PRTG: variants seen among roughly 807,000 people sequenced by gnomAD.
PRTG encodes protogenin.
PRTG carries 67 observed loss-of-function variants against 122.5 expected under a neutral mutation model. The observed-to-expected ratio is 0.55, with a 90% CI of 0.45 to 0.67. The LOEUF is 0.67. Ranked by LOEUF, PRTG falls within the 30% of genes least tolerant of loss-of-function variation. PRTG has a pLI of 0.00. For missense variants in PRTG, 1,435 were observed against 1,415.4 expected (o/e 1.01, Z -0.22); for synonymous variants, 554 against 501.1 (o/e 1.11, Z -1.41).
intron 11 of PRTG, among the ~76,000 whole-genome samples, chr15:55,643,271 T>G (rs941732377): frequency 4.6e-5 from 7 of 152,162 alleles, no homozygotes; most frequent in African/African-American, 1.7e-4. Flanking sequence ...TTCTGAGACT[T>G]AGAAAACTTC....
intron 2 of PRTG, among the ~76,000 whole-genome samples, chr15:55,714,871 A>G (rs888612709): frequency 6.6e-6 from 1 of 152,142 alleles, no homozygotes; most frequent in Admixed American, 6.5e-5. Flanking sequence ...ATGAAGTCAA[A>G]TGGTAATCCC....
rs140671826 is a variant in PRTG, at chr15:55,619,497, A to C, written c.*515T>G. On this transcript the variant is annotated 3_prime_UTR_variant, in exon 20 of 20. Transcript: ENST00000389286. ...TTACACGTACAGCAATGAAAACACA[A>C]TACTACTAGGAAGTATCATTGGTTA... The C allele has an allele frequency of 2.0e-3, 325 of 159,032 alleles. No individual in the cohort carries two copies. Among genetic ancestry groups the C allele is most frequent in the African/African-American group, 7.6e-3 (314 of 41,564 alleles). The allele number at this position is 159,032 out of a possible 1,614,324, so 9.9% of individuals were successfully genotyped here. A position where few individuals can be genotyped will look rare whatever the true frequency, so the allele number is the denominator to read the frequency against.
rs550490569 is a variant in PRTG at position 55,619,511 on chromosome 15, T to C, written c.*501A>G. ...ATGAAAACACAATACTACTAGGAAGTATCATTGGTTATGTAGCTGAGATAA... is the reference window on the plus strand; with the variant it reads ...ATGAAAACACAATACTACTAGGAAGCATCATTGGTTATGTAGCTGAGATAA... On this transcript the variant is annotated 3_prime_UTR_variant, in exon 20 of 20. Transcript: ENST00000389286. The C allele has an allele frequency of 8.0e-4, 131 of 162,822 alleles. No individual in the cohort carries two copies. Among genetic ancestry groups the C allele is most frequent in the Middle Eastern group, 3.2e-3 (1 of 312 alleles). 10.1% of individuals were successfully genotyped at this position (162,822 alleles called of 1,614,324 possible).
chr15:55,631,957 C>T (rs2059229982), intron 15 of PRTG, among the ~76,000 whole-genome samples: 1 of 152,124 alleles, frequency 6.6e-6, no homozygotes, highest in Admixed American at 6.5e-5. Context: ...AGTGTCCATT[C>T]AAATTATAAA....
At chr15:55,642,865 G>C (rs2059300250) in intron 11 of PRTG, among the ~76,000 whole-genome samples, 1 of 152,148 alleles carries the variant, frequency 6.6e-6, no homozygotes, top group Non-Finnish European at 1.5e-5. Context: ...GAGGACAGGA[G>C]TTTAAGACTA....
rs1314559111 is a variant in PRTG, at chr15:55,742,939, A to T, written c.-8T>A. 2.6e-6 allele frequency: 4 copies of T among 1,513,222 alleles called. No homozygotes were observed. The highest frequency in any genetic ancestry group is 2.1e-5 in the Admixed American group (1 of 47,784). The allele number at this position is 1,513,222 out of a possible 1,614,324, so 93.7% of individuals were successfully genotyped here. ...TCGCAGAGGAGGCGCCATTCAGCGT[A>T]GCCGCGCGGGCATGCTCCCCGGCCG... On this transcript the variant is annotated 5_prime_UTR_variant, in exon 1 of 20. Coordinates refer to ENST00000389286, the MANE Select transcript of PRTG (RefSeq NM_173814.6).
intron 2 of PRTG, chr15:55,702,892 G>C: frequency 1.0e-6 from 1 of 985,174 alleles, no homozygotes; most frequent in Non-Finnish European, 1.2e-6. Context: ...TTCGGGGACA[G>C]ACCTTTTACA....
At chr15:55,622,073 C>T (rs1163565731) in intron 18 of PRTG, among the ~76,000 whole-genome samples, 3 of 152,100 alleles carry the variant, frequency 2.0e-5, no homozygotes, top group Non-Finnish European at 4.4e-5. Context: ...CTCTCCTTCA[C>T]TTCAGGCCTC....
chr15:55,694,560 A>G (rs1372562601), intron 2 of PRTG, among the ~76,000 whole-genome samples: 1 of 152,174 alleles, frequency 6.6e-6, no homozygotes, highest in Non-Finnish European at 1.5e-5. Context: ...CAAAACTTAG[A>G]AACTTTAGAA....
chr15:55,701,555 A>C (rs1270765126), intron 2 of PRTG, among the ~76,000 whole-genome samples: 5 of 152,086 alleles, frequency 3.3e-5, no homozygotes, highest in Non-Finnish European at 7.4e-5. Context: ...AAAACAAAAC[A>C]AAACCCTGCA....
chr15:55,697,846 G>A (rs780718563), intron 2 of PRTG, among the ~76,000 whole-genome samples: 2 of 152,222 alleles, frequency 1.3e-5, no homozygotes, highest in South Asian at 4.1e-4. Flanking sequence ...GGACTTAAAA[G>A]GGTTATTATG....
chr15:55,665,463 G>T (rs1437494664), intron 11 of PRTG, among the ~76,000 whole-genome samples: 1 of 150,888 alleles, frequency 6.6e-6, no homozygotes, highest in African/African-American at 2.4e-5. Context: ...TAGTAATGTG[G>T]CCTGGTGCTC....
intron 11 of PRTG, among the ~76,000 whole-genome samples, chr15:55,642,381 C>G (rs139006786): frequency 0.013 from 1,907 of 151,808 alleles, 44 homozygotes; most frequent in African/African-American, 0.04. Context: ...CTTTGGGAGG[C>G]CGAGGCGGGT....
At chr15:55,692,061 A>C (rs986154734) in intron 2 of PRTG, among the ~76,000 whole-genome samples, 21 of 152,286 alleles carry the variant, frequency 1.4e-4, no homozygotes, top group Admixed American at 7.2e-4. Context: ...AAAAATAAGA[A>C]AAAGATAGAA....
intron 15 of PRTG, among the ~76,000 whole-genome samples, chr15:55,633,675 T>G (rs1364439605): frequency 6.6e-6 from 1 of 152,242 alleles, no homozygotes; most frequent in Non-Finnish European, 1.5e-5. Context: ...AAAGACATTT[T>G]AATTTTTCTT....
At chr15:55,723,752 C>CTTTTTTTTTTTTTTT (rs769469226) in intron 2 of PRTG, among the ~76,000 whole-genome samples, 1 of 127,102 alleles carries the variant, frequency 7.9e-6, no homozygotes, top group Non-Finnish European at 1.6e-5. Context: ...TTTCTTTTTT[C>CTTTTTTTTTTTTTTT]TTTTTTTTTT....
intron 18 of PRTG, 89 bp from the exon 19 acceptor site, chr15:55,620,856 T>C: frequency 9.3e-7 from 1 of 1,077,510 alleles, no homozygotes. Flanking sequence ...ACTTTTACTA[T>C]ATGCTTCACA....
chr15:55,740,273 T>C (rs1464450345), intron 2 of PRTG, 109 bp downstream of exon 2: 1 of 1,024,646 alleles, frequency 9.8e-7, no homozygotes, highest in African/African-American at 1.6e-5. Flanking sequence ...TTATCTCCAG[T>C]AAAATTCTTA....
In PRTG at chr15:55,617,006, A is replaced by G. The variant is rs2059144579; in HGVS notation, c.*3006T>C. 1 of 152,138 alleles carries G rather than the reference A, an allele frequency of 6.6e-6. No individual in the cohort carries two copies. Among genetic ancestry groups the G allele is most frequent in the South Asian group, 2.1e-4 (1 of 4,830 alleles). The allele number at this position is 152,138 out of a possible 1,614,324, so 9.4% of individuals were successfully genotyped here. ...AGGTATCAGTACTTACAGCAAATACATCTTTGGAAAAGAAAATAGTTACCA... is the reference window on the plus strand; with the variant it reads ...AGGTATCAGTACTTACAGCAAATACGTCTTTGGAAAAGAAAATAGTTACCA... On this transcript the variant is annotated 3_prime_UTR_variant, in exon 20 of 20. Transcript: ENST00000389286.
Sources: allele counts gnomAD v4.1 joint callset (sites outside exome capture counted in the v4.1 genomes callset), GRCh38; gene constraint gnomAD v4.1.1; transcripts MANE v1.5; gene names NCBI Gene and HGNC (gene_info 2026-07-23, HGNC 2026-07-21).